The following GLS variants were observed in gnomAD, a reference collection of about 807,000 sequenced individuals.
GLS encodes the protein glutaminase kidney isoform, mitochondrial.
A neutral mutation model predicts 86.7 loss-of-function variants in GLS; 36 were observed. The observed-to-expected ratio is 0.42, with a 90% CI of 0.32 to 0.55. GLS has a LOEUF of 0.55. Ranked by LOEUF, GLS falls within the 20% of genes least tolerant of loss-of-function variation. The pLI is 0.17. For synonymous variants in GLS, 317 were observed against 305.9 expected, an observed-to-expected ratio of 1.04 and a Z score of -0.38; for missense variants, 528 against 833.4, an observed-to-expected ratio of 0.63 and a Z score of 4.51.
chr2:190,899,704 T>C (rs1278186606), intron 3 of GLS, among the ~76,000 whole-genome samples: 1 of 152,148 alleles, frequency 6.6e-6, no homozygotes, highest in East Asian at 1.9e-4. Context: ...GAATATACAA[T>C]TGGCTGTAAT....
At position 190,881,135 on chromosome 2, in the gene GLS, G is replaced by A; in HGVS notation, c.51G>A (p.Ser17=). 1 of 1,555,606 alleles carries A rather than the reference G, an allele frequency of 6.4e-7. No individual in the cohort carries two copies. Residue 17 remains serine, a synonymous_variant, in exon 1 of 18, where the codon TCG becomes TCA. Transcript: ENST00000320717. ...SGMLRDLLLR[S]PAGVSATLRR... is the part of the protein sequence containing the mutation. The stretch of plus-strand genomic sequence containing the variant: ...TGCTGCGGGACCTGCTCCTGCGGTC[G>A]CCCGCCGGCGTGAGCGCGACTCTGC...
rs1257774258 is a variant in GLS at position 190,905,524 on chromosome 2, C to T, written c.979+357C>T. Among the ~76,000 whole-genome samples the T allele has an allele frequency of 6.6e-6, 1 of 152,000 alleles. No individual in the cohort carries two copies. On this transcript the variant is annotated intron_variant, in intron 6 of 17. Coordinates refer to ENST00000320717, the MANE Select transcript of GLS (RefSeq NM_014905.5). This position sits in a 1 kb window ranked among gnomAD's most constrained non-coding sequence, Gnocchi z 4.6. ...AATTATTGCAGCTAAATGATAGGTG[C>T]ATGGGTGTTTGTATATTATTCTATC...
intron 14 of GLS, among the ~76,000 whole-genome samples, chr2:190,950,531 T>C (rs565574154): frequency 6.6e-6 from 1 of 152,290 alleles, no homozygotes; most frequent in East Asian, 1.9e-4. Context: ...CCCCATGGTC[T>C]GTATGGTGAA....
At chr2:190,911,091 T>C (rs1386992871) in intron 7 of GLS, among the ~76,000 whole-genome samples, 1 of 151,132 alleles carries the variant, frequency 6.6e-6, no homozygotes, top group Non-Finnish European at 1.5e-5. Flanking sequence ...ATTTTATTTA[T>C]ATTTAAATAA....
Position 190,956,134 on chromosome 2 carries a change from C to A in GLS, c.1853+1316C>A, listed in dbSNP as rs1315533628. 2.0e-5 allele frequency among the ~76,000 whole-genome samples: 3 copies of A among 152,178 alleles called. No homozygotes were observed. Among genetic ancestry groups the A allele is most frequent in the Non-Finnish European group, 4.4e-5 (3 of 68,036 alleles). ...GAAGCTCTTTAGTTTAATTAGATCC[C>A]ATTTATCAATTTTGGCTTTTGTTGC... On this transcript the variant is annotated intron_variant, in intron 17 of 17. Coordinates refer to ENST00000320717, the MANE Select transcript of GLS (RefSeq NM_014905.5). The surrounding 1 kb of genome is among the most constrained non-coding windows in gnomAD (Gnocchi z 4.2).
intron 14 of GLS, among the ~76,000 whole-genome samples, chr2:190,945,998 A>G (rs568789730): frequency 6.6e-6 from 1 of 152,220 alleles, no homozygotes; most frequent in Non-Finnish European, 1.5e-5. Flanking sequence ...TATATAGTAT[A>G]TTAATAACTG....
rs533701330 is a variant in GLS at position 190,962,785 on chromosome 2, C to T, written c.1854-45C>T. 71 of 1,280,870 alleles carry T rather than the reference C, an allele frequency of 5.5e-5. 1 individual carries two copies. The South Asian group carries it at 1.5e-3, about 27-fold the overall frequency. The allele number at this position is 1,280,870 out of a possible 1,614,324, so 79.3% of individuals were successfully genotyped here. ...GGAATGTGGGGTGATCATCTTTGTACATAAATTACCTAATGACCCTGTCCA... is the reference window on the plus strand; with the variant it reads ...GGAATGTGGGGTGATCATCTTTGTATATAAATTACCTAATGACCCTGTCCA... On this transcript the variant is annotated intron_variant, in intron 17 of 17. Transcript: ENST00000320717. The surrounding 1 kb of genome is among the most constrained non-coding windows in gnomAD (Gnocchi z 4.2).
chr2:190,918,938 T>C (rs533271655), intron 7 of GLS, among the ~76,000 whole-genome samples: 5 of 152,080 alleles, frequency 3.3e-5, no homozygotes, highest in Admixed American at 6.6e-5. Flanking sequence ...GGCCATCTTA[T>C]ATGGACATGG....
chr2:190,886,823 G>A (rs1349797560), intron 1 of GLS, among the ~76,000 whole-genome samples: 4 of 151,422 alleles, frequency 2.6e-5, no homozygotes, highest in African/African-American at 9.7e-5. Context: ...GGCTGAGGCA[G>A]GAGAATCGCT....
rs1246466180 is a variant in GLS, at chr2:190,904,929, AAAG to A, written c.816-72_816-70del. ...TTTTGTTGGAATTGTTAACATGTAAAAAGAATAATTCCAACTATGCAGTTACAT... is the reference window on the plus strand; with the variant it reads ...TTTTGTTGGAATTGTTAACATGTAAAAATAATTCCAACTATGCAGTTACAT... On this transcript the variant is annotated intron_variant, in intron 5 of 17. Coordinates refer to ENST00000320717, the MANE Select transcript of GLS (RefSeq NM_014905.5). 12 of 854,990 alleles carry A rather than the reference AAAG, an allele frequency of 1.4e-5. No individual in the cohort carries two copies. The Admixed American group carries it at 2.3e-4, about 17-fold the overall frequency. 53.0% of individuals were successfully genotyped at this position (854,990 alleles called of 1,614,324 possible).
At chr2:190,929,315 A>G (rs371340094) in intron 12 of GLS, among the ~76,000 whole-genome samples, 1 of 152,120 alleles carries the variant, frequency 6.6e-6, no homozygotes, top group East Asian at 1.9e-4. Context: ...AATTTGTTAT[A>G]TTTAAAAACA....
chr2:190,943,394 C>T lies in GLS; in HGVS notation c.1651-10171C>T, dbSNP rs1319948857. On this transcript the variant is annotated intron_variant, in intron 14 of 17. Coordinates refer to ENST00000320717, the MANE Select transcript of GLS (RefSeq NM_014905.5). The surrounding 1 kb of genome is among the most constrained non-coding windows in gnomAD (Gnocchi z 4.5). ...AAGGAAAGTGTATCAAAGACAGAAC[C>T]CTAAGAAACCATCATTTTAAAGGTA... 6.6e-6 allele frequency among the ~76,000 whole-genome samples: 1 copy of T among 151,986 alleles called. No homozygotes were observed. The highest frequency in any genetic ancestry group is 2.4e-5 in the African/African-American group (1 of 41,362).
At chr2:190,886,897 CAG>C (rs1230941427) in intron 1 of GLS, among the ~76,000 whole-genome samples, 1 of 136,956 alleles carries the variant, frequency 7.3e-6, no homozygotes, top group East Asian at 2.1e-4. Flanking sequence ...GCCTGGGTGA[CAG>C]AGCGAGACTC....
At chr2:190,887,449 C>T (rs992510955) in intron 1 of GLS, among the ~76,000 whole-genome samples, 3 of 152,062 alleles carry the variant, frequency 2.0e-5, no homozygotes, top group Middle Eastern at 3.4e-3. Flanking sequence ...GCATTACTTT[C>T]GAAACATAGA....
intron 1 of GLS, among the ~76,000 whole-genome samples, chr2:190,882,983 A>G (rs942169778): frequency 1.3e-5 from 2 of 152,220 alleles, no homozygotes; most frequent in Non-Finnish European, 2.9e-5. Flanking sequence ...CAGAATTGCA[A>G]AATGCAGTCA....
intron 14 of GLS, among the ~76,000 whole-genome samples, chr2:190,942,794 G>A (rs899819663): frequency 6.6e-6 from 1 of 152,152 alleles, no homozygotes; most frequent in South Asian, 2.1e-4. Context: ...ACATATGGGG[G>A]TTATTTTTCT....
rs749682317 is a variant in GLS, at chr2:190,932,876, A to C, written c.1650+1239A>C. On this transcript the variant is annotated intron_variant, in intron 14 of 17. Transcript: ENST00000320717. Reference sequence around the variant, plus strand: ...GAGAAAAGCTAAAGAAATGGGTTCTAGTTTCAGAATGTTTCTTCATTTAAT... The same window carrying C: ...GAGAAAAGCTAAAGAAATGGGTTCTCGTTTCAGAATGTTTCTTCATTTAAT... 7 of 1,465,558 alleles carry C rather than the reference A, an allele frequency of 4.8e-6. No homozygotes were observed. The South Asian group carries it at 1.1e-4, about 23-fold the overall frequency. The allele number at this position is 1,465,558 out of a possible 1,614,324, so 90.8% of individuals were successfully genotyped here.
At position 190,931,610 on chromosome 2, in the gene GLS, T is replaced by C. The variant is rs145985431; in HGVS notation, c.1623T>C (p.Asp541=). 53 of 1,575,182 alleles carry C rather than the reference T, an allele frequency of 3.4e-5. No homozygotes were observed. In the African/African-American group the frequency reaches 7.0e-4, roughly 21 times the overall value. ...TGAGACACTTTGCAAAAAAACTTGA[T>C]CCTCGAAGAGAAGGTGGTGATCAAA... ...DNLRHFAKKL[D]PRREGGDQRV... is the part of the protein sequence containing the mutation. The change falls in exon 14 of 18, where the codon GAT becomes GAC. Residue 541 remains aspartate, a synonymous_variant. Transcript: ENST00000320717.
At position 190,897,498 on chromosome 2, in the gene GLS, C is replaced by T. The variant is rs1240504222; in HGVS notation, c.605+1773C>T. 9.9e-5 allele frequency among the ~76,000 whole-genome samples: 15 copies of T among 152,154 alleles called. No individual in the cohort carries two copies. The highest frequency in any genetic ancestry group is 9.8e-4 in the Admixed American group (15 of 15,276). ...TCTATGCTTGTAATACAGGCAGTTT[C>T]CAACTTGACAAATGTTTTATGGTCT... On this transcript the variant is annotated intron_variant, in intron 3 of 17. Transcript: ENST00000320717. This position sits in a 1 kb window ranked among gnomAD's most constrained non-coding sequence, Gnocchi z 4.3.
Sources: gnomAD v4.1 joint callset for allele counts (sites outside exome capture counted in the v4.1 genomes callset) on GRCh38, gnomAD v4.1.1 for gene constraint, Gnocchi (gnomAD v3.1) non-coding constraint, MANE v1.5 for transcripts, NCBI Gene and HGNC (gene_info 2026-07-23, HGNC 2026-07-21) for gene names.